Variants in KHDRBS3 observed in about 807,000 individuals in gnomAD.
The protein encoded by KHDRBS3 is KH RNA binding domain containing, signal transduction associated 3.
In KHDRBS3, 23 loss-of-function variants were observed where a neutral mutation model predicts 45.6. The observed-to-expected ratio is 0.50, with a 90% CI of 0.36 to 0.72. KHDRBS3 has a LOEUF of 0.72. Ranked by LOEUF, KHDRBS3 falls within the 30% of genes least tolerant of loss-of-function variation. The pLI is 0.00. For synonymous variants in KHDRBS3, 162 were observed against 156.5 expected (o/e 1.04, Z -0.26); for missense variants, 352 against 424.8 (o/e 0.83, Z 1.51).
intron 7 of KHDRBS3, among the ~76,000 whole-genome samples, chr8:135,610,998 G>A (rs1337004362): frequency 6.6e-6 from 1 of 151,962 alleles, no homozygotes; most frequent in East Asian, 1.9e-4. Flanking sequence ...TGGATTGGCA[G>A]ATGGTGAGCC....
chr8:135,560,376 T>G (rs918571513), intron 5 of KHDRBS3, among the ~76,000 whole-genome samples: 3 of 152,154 alleles, frequency 2.0e-5, no homozygotes, highest in African/African-American at 7.2e-5. Flanking sequence ...TGTAATAAAA[T>G]TAACCCAGTG....
intron 1 of KHDRBS3, among the ~76,000 whole-genome samples, chr8:135,490,907 G>A (rs1823116575): frequency 6.6e-6 from 1 of 152,088 alleles, no homozygotes; most frequent in South Asian, 2.1e-4. Context: ...TTTAAAAATT[G>A]GTAATACATG....
intron 6 of KHDRBS3, 121 bp downstream of exon 6, chr8:135,582,194 G>A (rs1380133848): frequency 1.0e-6 from 1 of 983,180 alleles, no homozygotes; most frequent in East Asian, 3.0e-5. Context: ...ATTCTACTTT[G>A]TTTCAGCAAA....
chr8:135,462,237 G>GTTTT (rs541659142), intron 1 of KHDRBS3, among the ~76,000 whole-genome samples: 1,982 of 140,230 alleles, frequency 0.014, 40 homozygotes, highest in African/African-American at 0.049. Flanking sequence ...TGTGTTATCA[G>GTTTT]TTTTTTTTTT....
intron 7 of KHDRBS3, among the ~76,000 whole-genome samples, chr8:135,608,998 T>C (rs1829590836): frequency 6.6e-6 from 1 of 152,184 alleles, no homozygotes; most frequent in African/African-American, 2.4e-5. Context: ...TGCTCTTGGG[T>C]GAGTCAGTGA....
At chr8:135,478,097 C>G (rs2130288642) in intron 1 of KHDRBS3, among the ~76,000 whole-genome samples, 1 of 152,274 alleles carries the variant, frequency 6.6e-6, no homozygotes, top group South Asian at 2.1e-4. Context: ...CCCTTGCACT[C>G]CTGTCTATGG....
In KHDRBS3 at chr8:135,629,213, G is replaced by A. The variant is rs1830494314; in HGVS notation, c.891-15846G>A. ...ATTTGAAATCCTTTTATTTGACAAA[G>A]TGATTGTTATATCTGAGGTTTTGCA... On this transcript the variant is annotated intron_variant, in intron 7 of 8. Coordinates refer to ENST00000355849, the MANE Select transcript of KHDRBS3 (RefSeq NM_006558.3). 4.6e-5 allele frequency among the ~76,000 whole-genome samples: 7 copies of A among 152,256 alleles called. No homozygotes were observed. The South Asian group carries it at 1.4e-3, about 32-fold the overall frequency.
At chr8:135,652,542 T>C (rs1242135844), downstream of KHDRBS3, among the ~76,000 whole-genome samples, 4 of 152,212 alleles carry the variant, frequency 2.6e-5, no homozygotes, top group Non-Finnish European at 5.9e-5. Context: ...TCTAGAGCTT[T>C]TCTATCAGTG....
intron 1 of KHDRBS3, among the ~76,000 whole-genome samples, chr8:135,504,515 A>G (rs1028080087): frequency 6.6e-6 from 1 of 152,220 alleles, no homozygotes; most frequent in African/African-American, 2.4e-5. Context: ...TAACAATATG[A>G]TTTGTACATC....
At chr8:135,534,306 T>C (rs1490553985) in intron 2 of KHDRBS3, among the ~76,000 whole-genome samples, 1 of 152,046 alleles carries the variant, frequency 6.6e-6, no homozygotes, top group Admixed American at 6.6e-5. Context: ...ATACCAAAAA[T>C]GTGCTTCCTT....
chr8:135,581,267 T>G (rs970668057), intron 5 of KHDRBS3, among the ~76,000 whole-genome samples: 11 of 152,218 alleles, frequency 7.2e-5, no homozygotes, highest in African/African-American at 2.7e-4. Flanking sequence ...TCTCCTTCCT[T>G]CCTGACTTGA....
chr8:135,641,194 G>A (rs2131182681), intron 7 of KHDRBS3, among the ~76,000 whole-genome samples: 1 of 152,252 alleles, frequency 6.6e-6, no homozygotes, highest in East Asian at 1.9e-4. Flanking sequence ...ATGCTGAACT[G>A]TGTTATAGCA....
intron 6 of KHDRBS3, among the ~76,000 whole-genome samples, chr8:135,598,071 A>G (rs1298202118): frequency 1.3e-5 from 2 of 152,260 alleles, no homozygotes; most frequent in Non-Finnish European, 2.9e-5. Flanking sequence ...TGGATAGAAT[A>G]GCAGCTAATC....
chr8:135,459,510 A>G (rs1821317328), intron 1 of KHDRBS3, among the ~76,000 whole-genome samples: 1 of 152,148 alleles, frequency 6.6e-6, no homozygotes, highest in South Asian at 2.1e-4. Flanking sequence ...GTGCCTGATG[A>G]TTTACATGTA....
At chr8:135,585,569 A>G (rs1828432277) in intron 6 of KHDRBS3, among the ~76,000 whole-genome samples, 1 of 152,186 alleles carries the variant, frequency 6.6e-6, no homozygotes, top group Admixed American at 6.5e-5. Context: ...TACTGAATGA[A>G]TGAATGAATG....
At chr8:135,460,862 AGTC>A (rs368807517) in intron 1 of KHDRBS3, among the ~76,000 whole-genome samples, 168 of 152,328 alleles carry the variant, frequency 1.1e-3, no homozygotes, top group African/African-American at 3.7e-3. Context: ...GATGAGGTGT[AGTC>A]GTTCTTTAAA....
At chr8:135,565,734 A>C (rs1827382542) in intron 5 of KHDRBS3, among the ~76,000 whole-genome samples, 2 of 152,084 alleles carry the variant, frequency 1.3e-5, no homozygotes, top group Non-Finnish European at 2.9e-5. Context: ...GGTTGCTGGA[A>C]ACTTTGGCCT....
intron 5 of KHDRBS3, among the ~76,000 whole-genome samples, chr8:135,561,934 T>C (rs1827189554): frequency 6.6e-6 from 1 of 152,050 alleles, no homozygotes. Flanking sequence ...AGATTCACAG[T>C]GTTTGTGTTT....
chr8:135,498,568 C>T (rs540856370), intron 1 of KHDRBS3, among the ~76,000 whole-genome samples: 1 of 152,270 alleles, frequency 6.6e-6, no homozygotes, highest in East Asian at 1.9e-4. Context: ...TGCTTTGTTT[C>T]TTGAGCATCA....
Sources: gnomAD v4.1 joint callset for allele counts (sites outside exome capture counted in the v4.1 genomes callset) on GRCh38, gnomAD v4.1.1 for gene constraint, MANE v1.5 for transcripts, NCBI Gene and HGNC (gene_info 2026-07-23, HGNC 2026-07-21) for gene names.